Variants in THRAP3 observed in about 807,000 individuals in gnomAD.
THRAP3 encodes the protein thyroid hormone receptor-associated protein 3.
Under a neutral mutation model 101.0 loss-of-function variants are expected in THRAP3, and 16 were observed. That is an observed-to-expected ratio of 0.16 (90% confidence interval 0.11 to 0.24). The LOEUF (loss-of-function observed/expected upper bound fraction) is 0.24. THRAP3 is among the 10% of genes least tolerant of loss of function. The pLI is 1.00. For missense variants in THRAP3, 989 were observed against 1,202.7 expected, an observed-to-expected ratio of 0.82 and a Z score of 2.63; for synonymous variants, 407 against 422.6, an observed-to-expected ratio of 0.96 and a Z score of 0.45.
intron 1 of THRAP3, chr1:36,242,046 C>T (rs974774310): frequency 2.9e-5 from 5 of 175,296 alleles, no homozygotes; most frequent in African/African-American, 9.5e-5. Context: ...ATCCACAGTC[C>T]CGCTGGAATT....
Position 36,287,198 on chromosome 1 carries a change from C to G in THRAP3, c.968C>G (p.Ser323Cys). The G allele has an allele frequency of 6.2e-7, 1 of 1,614,180 alleles. No individual in the cohort carries two copies. The highest frequency in any genetic ancestry group is 8.5e-7 in the Non-Finnish European group (1 of 1,180,028). ...AGCCCTGTGGGTAAGAGTCCACCAT[C>G]CACTGGCTCCACATATGGCTCATCT... is the stretch of plus-strand genomic sequence containing the variant. The part of the protein sequence containing the change: ...KKSPVGKSPP[S>C]TGSTYGSSQK... Residue 323 changes from serine (S) to cysteine (C), a missense_variant, in exon 4 of 12, where the codon TCC becomes TGC. Physicochemically the swap from Ser to Cys is moderately radical, Grantham distance 112. Coordinates refer to ENST00000354618, the MANE Select transcript of THRAP3 (RefSeq NM_005119.4).
rs149060069 is a variant in THRAP3, at chr1:36,290,881, TG to T, written c.1746-491del. ...ACTTGGTGTAAACTACTCAGGCAGC[TG>T]GAAGTCTATGTGAACAGCATTCCAG... On this transcript the variant is annotated intron_variant, in intron 5 of 11. Transcript: ENST00000354618. Among the ~76,000 whole-genome samples, 1,462 of 152,320 alleles carry T rather than the reference TG, an allele frequency of 9.6e-3. 14 individuals carry two copies. The highest frequency in any genetic ancestry group is 0.034 in the African/African-American group (1,401 of 41,572).
upstream of THRAP3, among the ~76,000 whole-genome samples, chr1:36,219,598 T>C (rs1644893398): frequency 6.6e-6 from 1 of 151,952 alleles, no homozygotes; most frequent in Admixed American, 6.6e-5. Context: ...CTAACTTTTT[T>C]TTTTTTTTTA....
rs1423181363 is a variant in THRAP3 at position 36,289,195 on chromosome 1, T to A, written c.1176T>A (p.Ser392=). ...GTGATGGAAAAATGAAATCTGATTC[T>A]TTTGCTCCCAAAACTGATTCTGAGA... is the stretch of plus-strand genomic sequence containing the variant. ...GLGDGKMKSD[S]FAPKTDSEKP... is the part of the protein sequence containing the mutation. Residue 392 remains serine (S), a synonymous_variant, in exon 5 of 12, where the codon TCT becomes TCA. Coordinates refer to ENST00000354618, the MANE Select transcript of THRAP3 (RefSeq NM_005119.4). 1 of 1,614,024 alleles carries A rather than the reference T, an allele frequency of 6.2e-7. No homozygotes were observed. The highest frequency in any genetic ancestry group is 8.5e-7 in the Non-Finnish European group (1 of 1,180,040).
At chr1:36,272,434 G>A (rs1481794519) in intron 2 of THRAP3, among the ~76,000 whole-genome samples, 1 of 152,156 alleles carries the variant, frequency 6.6e-6, no homozygotes, top group Non-Finnish European at 1.5e-5. Flanking sequence ...ATGAGGCCTT[G>A]GCAGAGTGTT....
chr1:36,285,645 C>T (rs1645785954), intron 3 of THRAP3, among the ~76,000 whole-genome samples: 1 of 152,172 alleles, frequency 6.6e-6, no homozygotes, highest in Admixed American at 6.5e-5. Context: ...ATAGTGCCCT[C>T]TTGTGGCACC....
At position 36,286,601 on chromosome 1, in the gene THRAP3, G is replaced by A. The variant is rs776869005; in HGVS notation, c.371G>A (p.Arg124His). 11 of 1,614,012 alleles carry A rather than the reference G, an allele frequency of 6.8e-6. No individual in the cohort carries two copies. The highest frequency in any genetic ancestry group is 1.3e-5 in the African/African-American group (1 of 74,916). ...CAAGCATACAGTCCTCGTCGAGGCC[G>A]TTCAAGATCCCGGTCCCCAAAGAGA... ...YRQAYSPRRG[R>H]SRSRSPKRRS... Residue 124 changes from arginine to histidine, a missense_variant, in exon 4 of 12, where the codon CGT becomes CAT. Transcript: ENST00000354618. This position sits in a 1 kb window ranked among gnomAD's most constrained non-coding sequence, Gnocchi z 5.5.
the THRAP3 span, among the ~76,000 whole-genome samples, chr1:36,215,202 C>A: frequency 6.6e-6 from 1 of 151,814 alleles, no homozygotes; most frequent in Admixed American, 6.6e-5. Context: ...CCAGCCTGGG[C>A]GACAGAGCGA....
intron 1 of THRAP3, among the ~76,000 whole-genome samples, chr1:36,234,908 G>C (rs1043071890): frequency 2.7e-5 from 4 of 149,158 alleles, no homozygotes; most frequent in Admixed American, 6.8e-5. Context: ...TCTGCCTCCC[G>C]GTTCAAGCAA....
intron 2 of THRAP3, among the ~76,000 whole-genome samples, chr1:36,275,130 C>CACAA (rs1469551410): frequency 3.5e-5 from 5 of 144,712 alleles, no homozygotes; most frequent in East Asian, 4.2e-4. Flanking sequence ...CACACACACA[C>CACAA]ACACACAAAA....
chr1:36,294,074 C>T, intron 8 of THRAP3, 139 bp downstream of exon 8: 1 of 1,451,306 alleles, frequency 6.9e-7, no homozygotes, highest in Non-Finnish European at 9.1e-7. Flanking sequence ...TAAAAATGAA[C>T]TACAAAGGGT....
chr1:36,293,462 A>G (rs529871140), intron 7 of THRAP3, among the ~76,000 whole-genome samples: 71 of 152,316 alleles, frequency 4.7e-4, no homozygotes, highest in African/African-American at 1.5e-3. Context: ...ACAGAATTTT[A>G]AAGCCCAGCA....
chr1:36,275,462 C>T (rs1645646684), intron 2 of THRAP3, among the ~76,000 whole-genome samples: 1 of 150,552 alleles, frequency 6.6e-6, no homozygotes, highest in Non-Finnish European at 1.5e-5. Context: ...TGGTGGGCAC[C>T]TGTAGTCCCA....
At chr1:36,212,541 C>T in the THRAP3 span, among the ~76,000 whole-genome samples, 5 of 151,636 alleles carry the variant, frequency 3.3e-5, no homozygotes, top group Admixed American at 6.6e-5. Flanking sequence ...CTGCCTCAGC[C>T]TCCCGAGTAG....
Position 36,258,514 on chromosome 1 carries a change from C to A in THRAP3, c.-134-868C>A, listed in dbSNP as rs533232455. Among the ~76,000 whole-genome samples the A allele has an allele frequency of 1.4e-4, 21 of 152,128 alleles. 1 individual carries two copies. The South Asian group carries it at 4.1e-3, about 30-fold the overall frequency. ...TTCTTGAGGCGAAGTCTCACTCTGT[C>A]CCCCAGGCTGGAGTACAGTGGCGCG... On this transcript the variant is annotated intron_variant, in intron 1 of 11. Coordinates refer to ENST00000354618, the MANE Select transcript of THRAP3 (RefSeq NM_005119.4).
chr1:36,253,101 ATTTG>A (rs1271813392), intron 1 of THRAP3, among the ~76,000 whole-genome samples: 1 of 151,666 alleles, frequency 6.6e-6, no homozygotes, highest in East Asian at 1.9e-4. Flanking sequence ...GCAAATATTT[ATTTG>A]TTAATGCTGA....
chr1:36,216,703 T>C, the THRAP3 span, among the ~76,000 whole-genome samples: 1 of 151,658 alleles, frequency 6.6e-6, no homozygotes. Flanking sequence ...GAGGATTGCT[T>C]GAGCCCAGGA....
chr1:36,226,560 C>T (rs1194133955), intron 1 of THRAP3, among the ~76,000 whole-genome samples: 1 of 152,052 alleles, frequency 6.6e-6, no homozygotes. Context: ...CGCCCGGCCA[C>T]GATTTATTAT....
the THRAP3 span, among the ~76,000 whole-genome samples, chr1:36,212,546 G>A: frequency 2.0e-5 from 3 of 149,886 alleles, no homozygotes; most frequent in South Asian, 4.2e-4. Flanking sequence ...TCAGCCTCCC[G>A]AGTAGCTGGG....
Sources: allele counts gnomAD v4.1 joint callset (sites outside exome capture counted in the v4.1 genomes callset), GRCh38; gene constraint gnomAD v4.1.1; non-coding constraint Gnocchi (gnomAD v3.1); transcripts MANE v1.5; gene names NCBI Gene and HGNC (gene_info 2026-07-23, HGNC 2026-07-21).